CTNND2: variants seen among roughly 807,000 people sequenced by gnomAD.
CTNND2 encodes catenin delta-2.
In CTNND2, 22 loss-of-function variants were observed where a neutral mutation model predicts 144.4. That is an observed-to-expected ratio of 0.15 (90% CI 0.11 to 0.22). The LOEUF is 0.22. CTNND2 is among the 10% of genes least tolerant of loss of function. The pLI, the probability that CTNND2 is intolerant of heterozygous loss-of-function variation, is 1.00. For missense variants in CTNND2, 1,353 were observed against 1,618.8 expected (o/e 0.84, Z 2.82); for synonymous variants, 751 against 695.6 (o/e 1.08, Z -1.25).
At chr5:11,382,639 G>GTGTGTGTGTGTGTA in intron 7 of CTNND2, among the ~76,000 whole-genome samples, 1 of 147,684 alleles carries the variant, frequency 6.8e-6, no homozygotes, top group African/African-American at 2.5e-5. Flanking sequence ...GTGTGTGTGT[G>GTGTGTGTGTGTGTA]TGTGTGTAGA....
chr5:11,281,670 C>T (rs533505962), intron 9 of CTNND2, among the ~76,000 whole-genome samples: 1 of 152,274 alleles, frequency 6.6e-6, no homozygotes, highest in South Asian at 2.1e-4. Flanking sequence ...AGGCCTCTCC[C>T]CTTGGCTTGC....
chr5:11,235,642 C>T (rs1391416916), intron 10 of CTNND2, among the ~76,000 whole-genome samples: 1 of 152,170 alleles, frequency 6.6e-6, no homozygotes, highest in Non-Finnish European at 1.5e-5. Context: ...GCTGTGACAA[C>T]CAAAGATGTC....
At chr5:11,747,966 A>G (rs1232352508) in intron 1 of CTNND2, among the ~76,000 whole-genome samples, 1 of 152,164 alleles carries the variant, frequency 6.6e-6, no homozygotes, top group African/African-American at 2.4e-5. Context: ...TCAATGACAC[A>G]TCTAGTTTTT....
intron 3 of CTNND2, among the ~76,000 whole-genome samples, chr5:11,472,260 A>G (rs1767298330): frequency 6.6e-6 from 1 of 152,228 alleles, no homozygotes; most frequent in Non-Finnish European, 1.5e-5. Flanking sequence ...AACCACGAAT[A>G]TCTTTCAATA....
Position 11,430,017 on chromosome 5 carries a change from C to T in CTNND2, c.288-17948G>A, listed in dbSNP as rs550145560. ...CTGTAATCCCAGCCTTTTGGGAGGC[C>T]GAGGTGGGTGGATCATGAGGTCAGG... On this transcript the variant is annotated intron_variant, in intron 3 of 21. Transcript: ENST00000304623. 5.9e-5 allele frequency among the ~76,000 whole-genome samples: 9 copies of T among 151,868 alleles called. No individual in the cohort carries two copies. The South Asian group carries it at 6.3e-4, about 11-fold the overall frequency.
intron 9 of CTNND2, among the ~76,000 whole-genome samples, chr5:11,302,854 T>C (rs1256963097): frequency 6.6e-6 from 1 of 152,204 alleles, no homozygotes; most frequent in Non-Finnish European, 1.5e-5. Flanking sequence ...TTTCACAATG[T>C]AGAGGGAAGT....
At chr5:11,069,683 GACAGAGA>G (rs1748032672) in intron 16 of CTNND2, among the ~76,000 whole-genome samples, 1 of 142,662 alleles carries the variant, frequency 7.0e-6, no homozygotes, top group South Asian at 2.3e-4. Flanking sequence ...CAGACAGAGA[GACAGAGA>G]GACAGAGAGA....
chr5:11,340,035 G>A (rs1754084344), intron 9 of CTNND2, among the ~76,000 whole-genome samples: 1 of 152,160 alleles, frequency 6.6e-6, no homozygotes, highest in Non-Finnish European at 1.5e-5. Flanking sequence ...GGCATTCAGA[G>A]ACAGCTGCCC....
At chr5:11,269,202 G>A (rs1282416030) in intron 9 of CTNND2, among the ~76,000 whole-genome samples, 1 of 152,178 alleles carries the variant, frequency 6.6e-6, no homozygotes, top group Non-Finnish European at 1.5e-5. Flanking sequence ...GAAGTGAAGA[G>A]GAATGAATGG....
intron 3 of CTNND2, among the ~76,000 whole-genome samples, chr5:11,484,173 G>T (rs1218825495): frequency 1.3e-5 from 2 of 152,126 alleles, no homozygotes; most frequent in Non-Finnish European, 2.9e-5. Context: ...TGTTCTCCAG[G>T]ACCTGTCTGC....
chr5:11,832,777 C>CA (rs1044528948), intron 1 of CTNND2, among the ~76,000 whole-genome samples: 2 of 152,030 alleles, frequency 1.3e-5, no homozygotes, highest in Admixed American at 6.6e-5. Flanking sequence ...CTTATCTCTA[C>CA]AAAAAATAGG....
intron 8 of CTNND2, among the ~76,000 whole-genome samples, chr5:11,362,210 TG>T (rs35268064): frequency 0.47 from 71,341 of 151,922 alleles, 17,216 homozygotes; most frequent in Admixed American, 0.57. Context: ...AAACTTAGAA[TG>T]TTTTTTTACG....
At chr5:11,290,449 C>T (rs556896023) in intron 9 of CTNND2, among the ~76,000 whole-genome samples, 1 of 152,270 alleles carries the variant, frequency 6.6e-6, no homozygotes, top group South Asian at 2.1e-4. Context: ...ACAAAAAAAG[C>T]CTTTGACCAT....
chr5:11,651,286 T>A (rs537784644), intron 2 of CTNND2, among the ~76,000 whole-genome samples: 6 of 152,330 alleles, frequency 3.9e-5, no homozygotes, highest in African/African-American at 1.4e-4. Context: ...AGTTTCCACA[T>A]GGTATGAAGC....
chr5:11,027,680 AT>A lies in CTNND2; in HGVS notation c.2789-4702del. On this transcript the variant is annotated intron_variant, in intron 16 of 21. Coordinates refer to ENST00000304623, the MANE Select transcript of CTNND2 (RefSeq NM_001332.4). ...TGGTGAACCAGTTTTCTAAATCCAG[AT>A]TTTCTTGAAAAACTGCAAGTAAAGA... is the stretch of plus-strand genomic sequence containing the variant. 2.6e-5 allele frequency among the ~76,000 whole-genome samples: 4 copies of A among 152,116 alleles called. No individual in the cohort carries two copies. In the East Asian group the frequency reaches 5.8e-4, roughly 22 times the overall value.
At chr5:11,483,054 C>T (rs1768437747) in intron 3 of CTNND2, among the ~76,000 whole-genome samples, 1 of 151,970 alleles carries the variant, frequency 6.6e-6, no homozygotes, top group Non-Finnish European at 1.5e-5. Flanking sequence ...TGATAGCCTC[C>T]TTCTGGCTGC....
chr5:11,103,495 A>T (rs562922818), intron 14 of CTNND2, among the ~76,000 whole-genome samples: 1 of 150,274 alleles, frequency 6.7e-6, no homozygotes, highest in Non-Finnish European at 1.5e-5. Flanking sequence ...ACGTGGTGAA[A>T]CCCCACCTCT....
intron 21 of CTNND2, among the ~76,000 whole-genome samples, chr5:10,980,842 G>T (rs899260184): frequency 6.6e-6 from 1 of 151,840 alleles, no homozygotes; most frequent in African/African-American, 2.4e-5. Context: ...AGTGGGAGTT[G>T]AACAATGAGA....
chr5:11,483,494 C>A (rs1297593354), intron 3 of CTNND2, among the ~76,000 whole-genome samples: 1 of 152,162 alleles, frequency 6.6e-6, no homozygotes, highest in Non-Finnish European at 1.5e-5. Flanking sequence ...TAGAGGGTAC[C>A]CAACTGGAAG....
Sources: allele counts gnomAD v4.1 joint callset (sites outside exome capture counted in the v4.1 genomes callset), GRCh38; gene constraint gnomAD v4.1.1; transcripts MANE v1.5; gene names NCBI Gene and HGNC (gene_info 2026-07-23, HGNC 2026-07-21).